The following TXNL1 variants were observed in gnomAD, a reference collection of about 807,000 sequenced individuals.
The protein encoded by TXNL1 is thioredoxin like 1, also known as thioredoxin-like protein 1.
A neutral mutation model predicts 35.5 loss-of-function variants in TXNL1; 14 were observed. The observed-to-expected ratio is 0.39, with a 90% CI of 0.26 to 0.62. The LOEUF is 0.62. TXNL1 is among the 20% of genes least tolerant of loss of function. The pLI is 0.47. For missense variants in TXNL1, 263 were observed against 349.7 expected (o/e 0.75, Z 1.98); for synonymous variants, 110 against 115.5 (o/e 0.95, Z 0.31).
chr18:56,626,054 ATATAATTCTAGGTTTGC>A, intron 2 of TXNL1: 1 of 395,514 alleles, frequency 2.5e-6, no homozygotes. Flanking sequence ...GGGGTAGAAG[ATATAATTCTAGGTTTGC>A]AAAACATAAG....
At chr18:56,631,626 G>C (rs2024372239) in intron 1 of TXNL1, among the ~76,000 whole-genome samples, 2 of 152,118 alleles carry the variant, frequency 1.3e-5, no homozygotes, top group African/African-American at 4.8e-5. Flanking sequence ...AATGTATAAA[G>C]AAATAAACCC....
intron 3 of TXNL1, among the ~76,000 whole-genome samples, chr18:56,621,808 T>G (rs2024191484): frequency 6.6e-6 from 1 of 151,846 alleles, no homozygotes. Context: ...GAGACCAGCC[T>G]GGCCAACATG....
At position 56,601,117 on chromosome 18, in the gene TXNL1, G is replaced by A. The variant is rs201601168; in HGVS notation, c.*1910C>T. Reference sequence around the variant, plus strand: ...ATATATAAATGTTACATATACATATGTGTGTATATATATATACTGTTTTAG... The same window carrying A: ...ATATATAAATGTTACATATACATATATGTGTATATATATATACTGTTTTAG... On this transcript the variant is annotated 3_prime_UTR_variant, in exon 8 of 8. Transcript: ENST00000217515. 1 of 1,478 alleles carries A rather than the reference G, an allele frequency of 6.8e-4. No individual in the cohort carries two copies. Among genetic ancestry groups the A allele is most frequent in the African/African-American group, 6.9e-4 (1 of 1,448 alleles). 0.1% of individuals were successfully genotyped at this position (1,478 alleles called of 1,614,324 possible).
At position 56,600,034 on chromosome 18, in the gene TXNL1, GGT is replaced by G. The variant is rs758343629; in HGVS notation, c.*2991_*2992del. ...TTTCATGTTTTTAAAGCTTACAAAG[GGT>G]GTAACTAATTTATTCAACTCCAACA... On this transcript the variant is annotated 3_prime_UTR_variant, in exon 8 of 8. Coordinates refer to ENST00000217515, the MANE Select transcript of TXNL1 (RefSeq NM_004786.3). The G allele has an allele frequency of 1.3e-5, 2 of 152,070 alleles. No homozygotes were observed. Among genetic ancestry groups the G allele is most frequent in the Non-Finnish European group, 2.9e-5 (2 of 68,020 alleles). 9.4% of individuals were successfully genotyped at this position (152,070 alleles called of 1,614,324 possible). A position where few individuals can be genotyped will look rare whatever the true frequency, so the allele number is the denominator to read the frequency against.
At chr18:56,636,568 G>GA (rs1014741169) in intron 1 of TXNL1, among the ~76,000 whole-genome samples, 1 of 151,788 alleles carries the variant, frequency 6.6e-6, no homozygotes. Context: ...TTTTTACAAA[G>GA]AAAAAAAATT....
intron 6 of TXNL1, 72 bp downstream of exon 6, chr18:56,614,352 T>C: frequency 7.4e-7 from 1 of 1,357,512 alleles, no homozygotes; most frequent in Non-Finnish European, 1.0e-6. Flanking sequence ...TCACTTAGAC[T>C]TACCTAGGAT....
intron 7 of TXNL1, among the ~76,000 whole-genome samples, chr18:56,607,161 T>TTGTGTG (rs112495608): frequency 0.013 from 1,778 of 137,552 alleles, 24 homozygotes; most frequent in South Asian, 0.052. Flanking sequence ...CTGGGTAATT[T>TTGTGTG]TGTGTGTGTG....
At chr18:56,635,501 C>T (rs1300405251) in intron 1 of TXNL1, among the ~76,000 whole-genome samples, 2 of 152,112 alleles carry the variant, frequency 1.3e-5, no homozygotes, top group African/African-American at 4.8e-5. Flanking sequence ...TAAGTGAAGT[C>T]AAAAACAAAA....
Position 56,638,364 on chromosome 18 carries a change from A to C in TXNL1, c.77T>G (p.Val26Gly). 1 of 1,613,490 alleles carries C rather than the reference A, an allele frequency of 6.2e-7. No individual in the cohort carries two copies. The highest frequency in any genetic ancestry group is 8.5e-7 in the Non-Finnish European group (1 of 1,179,678). ...TCACCCTCTCATGGTGAACTTGACC[A>C]CGGCGAGTCTGGAGCCCGCGCCGCT... ...ELSGAGSRLA[V>G]VKFTMRGCGP... is the part of the protein sequence containing the mutation. The change falls in exon 1 of 8, where the codon GTG becomes GGG. Residue 26 changes from valine (V) to glycine (G), a missense_variant. Transcript: ENST00000217515.
At chr18:56,622,046 AGCCTAG>A (rs2024197609) in intron 3 of TXNL1, among the ~76,000 whole-genome samples, 1 of 151,670 alleles carries the variant, frequency 6.6e-6, no homozygotes, top group African/African-American at 2.4e-5. Context: ...TAAATAAAAC[AGCCTAG>A]ACCCATGCTA....
At chr18:56,629,756 G>T (rs1598923559) in intron 1 of TXNL1, among the ~76,000 whole-genome samples, 1 of 152,032 alleles carries the variant, frequency 6.6e-6, no homozygotes, top group Non-Finnish European at 1.5e-5. Flanking sequence ...AATTACAGAG[G>T]TATCCATTCT....
At chr18:56,623,182 T>C (rs183276857) in intron 3 of TXNL1, among the ~76,000 whole-genome samples, 72 of 152,214 alleles carry the variant, frequency 4.7e-4, no homozygotes, top group African/African-American at 1.5e-3. Context: ...TCCCAACACT[T>C]TGGGGGAGGC....
intron 7 of TXNL1, chr18:56,610,715 T>C (rs891338152): frequency 1.6e-5 from 3 of 185,758 alleles, no homozygotes; most frequent in Non-Finnish European, 3.3e-5. Flanking sequence ...CTAACCACTT[T>C]CTATAACCAA....
chr18:56,622,528 T>C (rs2024205932), intron 3 of TXNL1, among the ~76,000 whole-genome samples: 1 of 152,220 alleles, frequency 6.6e-6, no homozygotes. Context: ...TTTAATGTCT[T>C]GATTGACACC....
At chr18:56,624,166 A>G in intron 3 of TXNL1, 122 bp downstream of exon 3, 2 of 1,107,408 alleles carry the variant, frequency 1.8e-6, no homozygotes, top group Non-Finnish European at 1.2e-6. Context: ...GAAAGCTCTT[A>G]TTTAAAAGTA....
Position 56,638,454 on chromosome 18 carries a change from CCGGCAGGGTGGCCGCGACGCCACTGGCT to C in TXNL1, c.-42_-15del. On this transcript the variant is annotated 5_prime_UTR_variant, in exon 1 of 8. Transcript: ENST00000217515. ...CACCCCCACCATCCTCACAGAGAGC[CCGGCAGGGTGGCCGCGACGCCACTGGCT>C]TTGAAACTGAAGGAGAAGACGATCT... The C allele has an allele frequency of 6.2e-7, 1 of 1,608,184 alleles. No individual in the cohort carries two copies. Among genetic ancestry groups the C allele is most frequent in the Non-Finnish European group, 8.5e-7 (1 of 1,176,292 alleles).
Position 56,638,553 on chromosome 18 carries a change from A to G in TXNL1, c.-113T>C. The G allele has an allele frequency of 9.2e-7, 1 of 1,091,548 alleles. No individual in the cohort carries two copies. Among genetic ancestry groups the G allele is most frequent in the Non-Finnish European group, 1.3e-6 (1 of 789,700 alleles). The allele number at this position is 1,091,548 out of a possible 1,614,324, so 67.6% of individuals were successfully genotyped here. On this transcript the variant is annotated 5_prime_UTR_variant, in exon 1 of 8. Coordinates refer to ENST00000217515, the MANE Select transcript of TXNL1 (RefSeq NM_004786.3). ...TCAGGAAGGCCGAGGCCTGGACAGA[A>G]GAGGTGGCGACCGCCGAGTCTTCTC...
At position 56,636,174 on chromosome 18, in the gene TXNL1, T is replaced by C. The variant is rs551058106; in HGVS notation, c.98+2169A>G. On this transcript the variant is annotated intron_variant, in intron 1 of 7. Transcript: ENST00000217515. ...GATTCTTACACAGGAGAACAATCTATGTATCATTTTAGTAAAATTTAGACT... is the reference window on the plus strand; with the variant it reads ...GATTCTTACACAGGAGAACAATCTACGTATCATTTTAGTAAAATTTAGACT... Among the ~76,000 whole-genome samples the C allele has an allele frequency of 1.1e-4, 16 of 152,246 alleles. No homozygotes were observed. In the East Asian group the frequency reaches 2.7e-3, roughly 26 times the overall value.
At chr18:56,619,161 C>G (rs1349236818) in intron 3 of TXNL1, among the ~76,000 whole-genome samples, 1 of 145,800 alleles carries the variant, frequency 6.9e-6, no homozygotes, top group Non-Finnish European at 1.5e-5. Flanking sequence ...CTGCAGTAAG[C>G]TGAAATTGCG....
Sources: gnomAD v4.1 joint callset for allele counts (sites outside exome capture counted in the v4.1 genomes callset) on GRCh38, gnomAD v4.1.1 for gene constraint, MANE v1.5 for transcripts, NCBI Gene and HGNC (gene_info 2026-07-23, HGNC 2026-07-21) for gene names.